FRK: variants seen among roughly 807,000 people sequenced by gnomAD.
FRK encodes the protein fyn related Src family tyrosine kinase, also known as tyrosine-protein kinase FRK.
In FRK, 51 loss-of-function variants were observed where a neutral mutation model predicts 56.4. That is an observed-to-expected ratio of 0.90 (90% CI 0.72 to 1.14). The LOEUF is 1.14. Ranked by LOEUF, FRK falls within the 50% of genes most tolerant of loss-of-function variation. The pLI is 0.00. For missense variants in FRK, 570 were observed against 601.4 expected, an observed-to-expected ratio of 0.95 and a Z score of 0.55; for synonymous variants, 245 against 217.9, an observed-to-expected ratio of 1.12 and a Z score of -1.10.
In FRK at chr6:115,956,597, T is replaced by A; in HGVS notation, c.813A>T (p.Pro271=). 2 of 1,564,276 alleles carry A rather than the reference T, an allele frequency of 1.3e-6. No homozygotes were observed. Among genetic ancestry groups the A allele is most frequent in the East Asian group, 4.6e-5 (2 of 43,444 alleles). The change falls in exon 5 of 8, where the codon CCA becomes CCT. Residue 271 remains proline (P), a synonymous_variant. Coordinates refer to ENST00000606080, the MANE Select transcript of FRK (RefSeq NM_002031.3). ...VKTLKPGSMD[P]NDFLREAQIM... ...TCTGTGCCTCCCTCAGGAAGTCATTTGGATCCATTGAACCTGAAACAAGAA... is the reference window on the plus strand; with the variant it reads ...TCTGTGCCTCCCTCAGGAAGTCATTAGGATCCATTGAACCTGAAACAAGAA...
intron 1 of FRK, among the ~76,000 whole-genome samples, chr6:116,017,871 TCTGCCTCACA>T (rs1367691116): frequency 3.3e-4 from 51 of 152,314 alleles, no homozygotes; most frequent in African/African-American, 1.2e-3. Context: ...TCCAGTCCAC[TCTGCCTCACA>T]CTGCCTCACA....
chr6:116,029,391 T>C lies in FRK; in HGVS notation c.345-25393A>G, dbSNP rs188234330. On this transcript the variant is annotated intron_variant, in intron 1 of 7. Transcript: ENST00000606080. ...TAAAATCATGCTCAGATAATGATGATGCAATGGATTAAGTGCTATGAGAGA... is the reference window on the plus strand; with the variant it reads ...TAAAATCATGCTCAGATAATGATGACGCAATGGATTAAGTGCTATGAGAGA... 1.8e-4 allele frequency among the ~76,000 whole-genome samples: 28 copies of C among 152,264 alleles called. No individual in the cohort carries two copies. In the East Asian group the frequency reaches 4.0e-3, roughly 22 times the overall value.
chr6:116,080,631 A>T, the FRK span, among the ~76,000 whole-genome samples: 2 of 152,252 alleles, frequency 1.3e-5, no homozygotes, highest in Non-Finnish European at 2.9e-5. Context: ...ATTAATATTT[A>T]TACCATATGA....
intron 5 of FRK, 29 bp from the exon 6 acceptor site, chr6:115,944,454 T>C (rs1184749855): frequency 6.5e-7 from 1 of 1,544,460 alleles, no homozygotes; most frequent in African/African-American, 1.4e-5. Context: ...GTAAGAAAGT[T>C]ACCTTAGAGA....
the FRK span, among the ~76,000 whole-genome samples, chr6:116,086,664 T>C: frequency 1.3e-5 from 2 of 152,360 alleles, no homozygotes; most frequent in African/African-American, 2.4e-5. Context: ...CTGTGATTAA[T>C]TGATTACTAA....
chr6:116,054,457 A>T lies in FRK; in HGVS notation c.344+5511T>A, dbSNP rs1030313387. Reference sequence around the variant, plus strand: ...TATTATATATTATTTATACTATATTATATATAATATAATATATATAATATA... The same window carrying T: ...TATTATATATTATTTATACTATATTTTATATAATATAATATATATAATATA... On this transcript the variant is annotated intron_variant, in intron 1 of 7. Transcript: ENST00000606080. 1.7e-4 allele frequency among the ~76,000 whole-genome samples: 25 copies of T among 144,360 alleles called. 1 individual carries two copies. In the East Asian group the frequency reaches 3.7e-3, roughly 21 times the overall value. The allele number at this position is 144,360 out of a possible 152,430, so 94.7% of individuals were successfully genotyped here. A position where few individuals can be genotyped will look rare whatever the true frequency, so the allele number is the denominator to read the frequency against.
intron 1 of FRK, among the ~76,000 whole-genome samples, chr6:116,015,285 C>G (rs888957808): frequency 6.6e-6 from 1 of 152,136 alleles, no homozygotes; most frequent in East Asian, 1.9e-4. Flanking sequence ...GGCAGTTTCT[C>G]TGAACTCTCT....
In FRK at chr6:115,933,262, A is replaced by T. The variant is rs543734686; in HGVS notation, c.*9152T>A. On this transcript the variant is annotated 3_prime_UTR_variant, in exon 8 of 8. Coordinates refer to ENST00000606080, the MANE Select transcript of FRK (RefSeq NM_002031.3). ...ACCACCATCTCCAAATAACTGAATT[A>T]CATAAATAAAACATTATATGAAAAG... 9.5e-4 allele frequency: 144 copies of T among 152,370 alleles called. No homozygotes were observed. Among genetic ancestry groups the T allele is most frequent in the African/African-American group, 3.3e-3 (136 of 41,598 alleles). 9.4% of individuals were successfully genotyped at this position (152,370 alleles called of 1,614,324 possible). A position where few individuals can be genotyped will look rare whatever the true frequency, so the allele number is the denominator to read the frequency against.
chr6:115,990,373 T>G (rs565570592), intron 2 of FRK, among the ~76,000 whole-genome samples: 37 of 152,058 alleles, frequency 2.4e-4, no homozygotes, highest in African/African-American at 8.7e-4. Flanking sequence ...TGAAAGATAT[T>G]TTCCTAGGTT....
At position 115,933,221 on chromosome 6, in the gene FRK, T is replaced by G. The variant is rs1413506662; in HGVS notation, c.*9193A>C. The G allele has an allele frequency of 1.3e-5, 2 of 152,216 alleles. No homozygotes were observed. Among genetic ancestry groups the G allele is most frequent in the Admixed American group, 1.3e-4 (2 of 15,278 alleles). 9.4% of individuals were successfully genotyped at this position (152,216 alleles called of 1,614,324 possible). ...AGATTTGAAATACAACATGAAATGA[T>G]GTACTCACATCCCTCACCACCATCT... is the stretch of plus-strand genomic sequence containing the variant. On this transcript the variant is annotated 3_prime_UTR_variant, in exon 8 of 8. Coordinates refer to ENST00000606080, the MANE Select transcript of FRK (RefSeq NM_002031.3).
intron 5 of FRK, among the ~76,000 whole-genome samples, chr6:115,948,894 A>G (rs142329071): frequency 6.6e-6 from 1 of 152,306 alleles, no homozygotes; most frequent in East Asian, 1.9e-4. Flanking sequence ...ATGAAGCCAA[A>G]CTTCTGCCTT....
chr6:116,092,407 A>G, the FRK span, among the ~76,000 whole-genome samples: 1 of 152,166 alleles, frequency 6.6e-6, no homozygotes, highest in Non-Finnish European at 1.5e-5. Flanking sequence ...ACATCTTTAT[A>G]GGACAGTGGT....
the FRK span, among the ~76,000 whole-genome samples, chr6:116,091,737 G>A: frequency 6.6e-6 from 1 of 152,172 alleles, no homozygotes; most frequent in East Asian, 1.9e-4. Context: ...GGGGTGTCAG[G>A]GTTTCTGGGA....
intron 5 of FRK, among the ~76,000 whole-genome samples, chr6:115,948,223 C>G (rs936632493): frequency 1.3e-5 from 2 of 152,154 alleles, no homozygotes; most frequent in African/African-American, 4.8e-5. Context: ...CATCTTGCAG[C>G]CAACAACCAG....
chr6:115,961,458 T>A (rs1773362522), intron 4 of FRK, among the ~76,000 whole-genome samples: 1 of 117,624 alleles, frequency 8.5e-6, no homozygotes, highest in African/African-American at 3.3e-5. Flanking sequence ...GGAACCAAGT[T>A]GGAAAACACT....
chr6:116,057,073 T>G (rs1777426654), intron 1 of FRK, among the ~76,000 whole-genome samples: 1 of 152,218 alleles, frequency 6.6e-6, no homozygotes, highest in African/African-American at 2.4e-5. Flanking sequence ...CAGTTTCTTC[T>G]TACAGATGCA....
At chr6:115,991,078 T>C (rs1464874869) in intron 2 of FRK, among the ~76,000 whole-genome samples, 2 of 151,878 alleles carry the variant, frequency 1.3e-5, no homozygotes, top group African/African-American at 4.8e-5. Context: ...GGTTGACTGC[T>C]GTTTGTGTAT....
At chr6:115,983,978 C>A (rs897850599) in intron 2 of FRK, among the ~76,000 whole-genome samples, 1 of 152,126 alleles carries the variant, frequency 6.6e-6, no homozygotes. Flanking sequence ...CCTGAATGTA[C>A]TATGGTGTTT....
At chr6:115,980,053 A>G (rs958589101) in intron 2 of FRK, among the ~76,000 whole-genome samples, 1 of 152,174 alleles carries the variant, frequency 6.6e-6, no homozygotes, top group Admixed American at 6.6e-5. Context: ...AAATACAATG[A>G]GCAATATCAT....
Sources: gnomAD v4.1 joint callset for allele counts (sites outside exome capture counted in the v4.1 genomes callset) on GRCh38, gnomAD v4.1.1 for gene constraint, MANE v1.5 for transcripts, NCBI Gene and HGNC (gene_info 2026-07-23, HGNC 2026-07-21) for gene names.